The following SPMIP2 variants were observed in gnomAD, a reference collection of about 807,000 sequenced individuals.
SPMIP2 encodes the protein sperm microtubule inner protein 2.
chr4:158,918,325 C>T, the SPMIP2 span, among the ~76,000 whole-genome samples: 1 of 152,196 alleles, frequency 6.6e-6, no homozygotes, highest in Non-Finnish European at 1.5e-5. Context: ...AGGACTGGAT[C>T]CTTGTGGTCC....
the SPMIP2 span, among the ~76,000 whole-genome samples, chr4:159,039,093 C>T: frequency 6.6e-6 from 1 of 152,138 alleles, no homozygotes; most frequent in Admixed American, 6.6e-5. Context: ...GATCCTCCCA[C>T]TTCAGCCTCC....
At chr4:159,042,273 C>A in the SPMIP2 span, among the ~76,000 whole-genome samples, 1 of 152,224 alleles carries the variant, frequency 6.6e-6, no homozygotes, top group East Asian at 1.9e-4. Flanking sequence ...GTCCCAGATG[C>A]CCACGCTTCC....
chr4:159,065,095 A>T, the SPMIP2 span, among the ~76,000 whole-genome samples: 1 of 152,234 alleles, frequency 6.6e-6, no homozygotes, highest in Non-Finnish European at 1.5e-5. Context: ...TGTTCACATA[A>T]ACTTACTCAC....
At chr4:159,047,050 T>C in the SPMIP2 span, among the ~76,000 whole-genome samples, 1 of 152,132 alleles carries the variant, frequency 6.6e-6, no homozygotes, top group Non-Finnish European at 1.5e-5. Context: ...TTCATTCCTG[T>C]ATTCTTTGAG....
chr4:158,921,554 T>C, the SPMIP2 span, among the ~76,000 whole-genome samples: 1 of 152,180 alleles, frequency 6.6e-6, no homozygotes, highest in East Asian at 1.9e-4. Flanking sequence ...GCTTCTGCTT[T>C]CCCTTCATCT....
At chr4:158,990,677 T>C in the SPMIP2 span, among the ~76,000 whole-genome samples, 1 of 151,202 alleles carries the variant, frequency 6.6e-6, no homozygotes, top group Non-Finnish European at 1.5e-5. Context: ...TAAGTGGGAG[T>C]TGAACAATGA....
the SPMIP2 span, among the ~76,000 whole-genome samples, chr4:158,965,594 G>T: frequency 6.6e-6 from 1 of 151,466 alleles, no homozygotes; most frequent in East Asian, 1.9e-4. Context: ...TACAACTATG[G>T]CTTGTAAAAC....
At chr4:159,061,681 C>T in the SPMIP2 span, among the ~76,000 whole-genome samples, 1 of 152,046 alleles carries the variant, frequency 6.6e-6, no homozygotes, top group African/African-American at 2.4e-5. Flanking sequence ...GGTGGTGGCA[C>T]ATGCCTGTAG....
At chr4:158,901,186 G>A in the SPMIP2 span, among the ~76,000 whole-genome samples, 1 of 146,042 alleles carries the variant, frequency 6.8e-6, no homozygotes, top group Non-Finnish European at 1.5e-5. Flanking sequence ...AGGCTGGAGT[G>A]CAGTGGCGTG....
the SPMIP2 span, among the ~76,000 whole-genome samples, chr4:159,005,029 G>C: frequency 1.3e-5 from 2 of 151,886 alleles, no homozygotes; most frequent in African/African-American, 2.4e-5. Flanking sequence ...TCAGGAGTTC[G>C]ACATCAGCCT....
chr4:158,978,601 T>C, the SPMIP2 span, among the ~76,000 whole-genome samples: 2 of 152,240 alleles, frequency 1.3e-5, no homozygotes, highest in Admixed American at 1.3e-4. Context: ...TGGGTGCTCC[T>C]GTACTGAGTG....
chr4:159,045,769 C>T, the SPMIP2 span, among the ~76,000 whole-genome samples: 1 of 152,158 alleles, frequency 6.6e-6, no homozygotes, highest in Non-Finnish European at 1.5e-5. Context: ...CACTGCTTAG[C>T]GAGGTGCCTC....
At chr4:159,051,775 T>C in the SPMIP2 span, among the ~76,000 whole-genome samples, 1 of 152,232 alleles carries the variant, frequency 6.6e-6, no homozygotes, top group African/African-American at 2.4e-5. Context: ...AAGAGATGTG[T>C]TAAGCTCTGG....
the SPMIP2 span, among the ~76,000 whole-genome samples, chr4:159,002,166 G>C: frequency 6.6e-6 from 1 of 152,036 alleles, no homozygotes; most frequent in Non-Finnish European, 1.5e-5. Context: ...TTTTAATGGG[G>C]TTGTTTGTTA....
the SPMIP2 span, among the ~76,000 whole-genome samples, chr4:159,048,019 G>A: frequency 6.6e-6 from 1 of 152,344 alleles, no homozygotes; most frequent in East Asian, 1.9e-4. Context: ...TGCTTACCGC[G>A]TGCTGGTGTG....
the SPMIP2 span, among the ~76,000 whole-genome samples, chr4:158,936,995 G>A: frequency 5.3e-5 from 8 of 152,162 alleles, no homozygotes; most frequent in Admixed American, 3.3e-4. Flanking sequence ...ACCCCTTCTC[G>A]AGAGAGCATA....
the SPMIP2 span, among the ~76,000 whole-genome samples, chr4:158,909,759 G>A: frequency 6.6e-6 from 1 of 151,878 alleles, no homozygotes; most frequent in African/African-American, 2.4e-5. Flanking sequence ...AAAAAAATTT[G>A]GGGCTGGACG....
chr4:159,018,317 A>T, the SPMIP2 span, among the ~76,000 whole-genome samples: 2 of 152,122 alleles, frequency 1.3e-5, no homozygotes, highest in East Asian at 1.9e-4. Context: ...CTGCTTTCCA[A>T]ATTTCCCACA....
the SPMIP2 span, among the ~76,000 whole-genome samples, chr4:158,960,793 A>C: frequency 6.6e-6 from 1 of 152,150 alleles, no homozygotes; most frequent in Non-Finnish European, 1.5e-5. Flanking sequence ...ACTGTGGTAA[A>C]GTGTAGATTT....
Sources: gnomAD v4.1 joint callset for allele counts (sites outside exome capture counted in the v4.1 genomes callset) on GRCh38, gnomAD v4.1.1 for gene constraint, MANE v1.5 for transcripts, NCBI Gene and HGNC (gene_info 2026-07-23, HGNC 2026-07-21) for gene names.